KBTBD12: variants seen among roughly 807,000 people sequenced by gnomAD.
KBTBD12 encodes kelch repeat and BTB domain-containing protein 12.
In KBTBD12, 53 loss-of-function variants were observed where a neutral mutation model predicts 58.7. That is an observed-to-expected ratio of 0.90 (90% CI 0.72 to 1.14). KBTBD12 has a LOEUF of 1.14. Ranked by LOEUF, KBTBD12 falls within the 50% of genes most tolerant of loss-of-function variation. KBTBD12 has a pLI of 0.00. For synonymous variants in KBTBD12, 236 were observed against 259.8 expected (o/e 0.91, Z 0.88); for missense variants, 704 against 751.3 (o/e 0.94, Z 0.74).
At chr3:127,941,680 A>G (rs1939952811) in intron 4 of KBTBD12, among the ~76,000 whole-genome samples, 3 of 152,210 alleles carry the variant, frequency 2.0e-5, no homozygotes. Context: ...TCCATCTCCC[A>G]GACGGAATCT....
chr3:127,924,005 A>T lies in KBTBD12; in HGVS notation c.944A>T (p.Lys315Met), dbSNP rs774639807. Residue 315 changes from lysine (K) to methionine (M), a missense_variant, in exon 2 of 6, where the codon AAG (lysine) becomes ATG (methionine). Transcript: ENST00000405109. ...SRKTYFISSP[K>M]YGEGLGTVCT... The stretch of plus-strand genomic sequence containing the variant: ...AAAACCTATTTCATCTCATCTCCCA[A>T]GTACGGAGAGGGTTTAGGAACTGTG... The T allele has an allele frequency of 8.7e-6, 14 of 1,613,682 alleles. No homozygotes were observed. In the South Asian group the frequency reaches 1.5e-4, roughly 18 times the overall value.
chr3:127,984,089 T>C lies in KBTBD12; in HGVS notation c.1691-8T>C. On this transcript the variant is annotated splice_polypyrimidine_tract_variant and splice_region_variant and intron_variant, in intron 5 of 5. Transcript: ENST00000405109. ...AGATTTTTGTCTTCCCACTTTGCTGTTTTTCAGATCGCCATGAGGTTATCT... is the reference window on the plus strand; with the variant it reads ...AGATTTTTGTCTTCCCACTTTGCTGCTTTTCAGATCGCCATGAGGTTATCT... 2 of 1,610,914 alleles carry C rather than the reference T, an allele frequency of 1.2e-6. No individual in the cohort carries two copies. Among genetic ancestry groups the C allele is most frequent in the African/African-American group, 2.7e-5 (2 of 74,910 alleles).
In KBTBD12 at chr3:127,930,133, A is replaced by G; in HGVS notation, c.1342A>G (p.Met448Val). The change falls in exon 4 of 6, where the codon ATG becomes GTG. Residue 448 changes from methionine (M) to valine (V), a missense_variant and splice_region_variant. Coordinates refer to ENST00000405109, the MANE Select transcript of KBTBD12 (RefSeq NM_207335.4). ...LYVIGGWTPQ[M>V]DLPDEEPDRL... ...ATATTGGCTGTCATATTTCATACAGATGGATCTTCCTGATGAAGAACCTGA... is the reference window on the plus strand; with the variant it reads ...ATATTGGCTGTCATATTTCATACAGGTGGATCTTCCTGATGAAGAACCTGA... 1.3e-6 allele frequency: 2 copies of G among 1,578,680 alleles called. No homozygotes were observed. Among genetic ancestry groups the G allele is most frequent in the Non-Finnish European group, 8.6e-7 (1 of 1,160,498 alleles).
chr3:127,940,443 G>C (rs1161823753), intron 4 of KBTBD12, among the ~76,000 whole-genome samples: 1 of 152,086 alleles, frequency 6.6e-6, no homozygotes, highest in Non-Finnish European at 1.5e-5. Flanking sequence ...TCAAATACTT[G>C]AAAATTGAGC....
chr3:127,951,528 A>T (rs1940202535), intron 4 of KBTBD12, among the ~76,000 whole-genome samples: 1 of 152,170 alleles, frequency 6.6e-6, no homozygotes, highest in Non-Finnish European at 1.5e-5. Context: ...TTGATTCCAG[A>T]GTCATGGTCA....
chr3:127,967,424 G>A (rs1940597088), intron 5 of KBTBD12, among the ~76,000 whole-genome samples: 1 of 152,144 alleles, frequency 6.6e-6, no homozygotes, highest in South Asian at 2.1e-4. Flanking sequence ...ATACTGAACT[G>A]ACCAAAACTA....
In KBTBD12 at chr3:127,915,465, G is replaced by C. The variant is rs917283406; in HGVS notation, c.-234G>C. ...GACCTCTATTTATATCGCCCAGCCA[G>C]CACAGGCCCATATTGGGCAGTGGCC... On this transcript the variant is annotated 5_prime_UTR_variant, in exon 1 of 6. Transcript: ENST00000405109. 2.6e-5 allele frequency: 4 copies of C among 152,596 alleles called. No individual in the cohort carries two copies. The highest frequency in any genetic ancestry group is 9.6e-5 in the African/African-American group (4 of 41,482). The allele number at this position is 152,596 out of a possible 1,614,324, so 9.5% of individuals were successfully genotyped here.
intron 4 of KBTBD12, among the ~76,000 whole-genome samples, chr3:127,955,285 A>T (rs1940296557): frequency 6.6e-6 from 1 of 152,212 alleles, no homozygotes; most frequent in Non-Finnish European, 1.5e-5. Flanking sequence ...TCTCCAGGAA[A>T]CCATTTTGTG....
At position 127,945,164 on chromosome 3, in the gene KBTBD12, C is replaced by CTT. The variant is rs56216317; in HGVS notation, c.1492+14918_1492+14919dup. On this transcript the variant is annotated intron_variant, in intron 4 of 5. Coordinates refer to ENST00000405109, the MANE Select transcript of KBTBD12 (RefSeq NM_207335.4). ...TGTTTTTTTTAAAAATAGTAGCTAT[C>CTT]TTTTTTTTTTTTTTTTTTTTTTTTT... Among the ~76,000 whole-genome samples, 7 of 28,772 alleles carry CTT rather than the reference C, an allele frequency of 2.4e-4. 2 individuals carry two copies. The highest frequency in any genetic ancestry group is 4.7e-4 in the African/African-American group (4 of 8,428). The allele number at this position is 28,772 out of a possible 152,430, so 18.9% of individuals were successfully genotyped here.
chr3:127,947,660 A>C (rs1387635430), intron 4 of KBTBD12, among the ~76,000 whole-genome samples: 3 of 152,190 alleles, frequency 2.0e-5, no homozygotes, highest in Admixed American at 2.0e-4. Context: ...CCCATTAATC[A>C]GTGCTTTTGA....
At chr3:127,968,461 G>A (rs1036685395) in intron 5 of KBTBD12, among the ~76,000 whole-genome samples, 7 of 152,194 alleles carry the variant, frequency 4.6e-5, no homozygotes, top group Non-Finnish European at 1.5e-5. Context: ...GACATTGCAA[G>A]AAAACTATAG....
At chr3:127,941,184 G>T (rs1939942429) in intron 4 of KBTBD12, among the ~76,000 whole-genome samples, 1 of 152,058 alleles carries the variant, frequency 6.6e-6, no homozygotes, top group African/African-American at 2.4e-5. Flanking sequence ...TCATTTTATA[G>T]GTCAGCATTA....
At chr3:127,958,723 C>T (rs571945597) in intron 4 of KBTBD12, among the ~76,000 whole-genome samples, 3 of 152,272 alleles carry the variant, frequency 2.0e-5, no homozygotes, top group Non-Finnish European at 2.9e-5. Flanking sequence ...CTTGGTCTTC[C>T]CCTTGAAGCT....
chr3:127,953,150 T>C (rs1244908105), intron 4 of KBTBD12, among the ~76,000 whole-genome samples: 1 of 152,222 alleles, frequency 6.6e-6, no homozygotes, highest in Non-Finnish European at 1.5e-5. Flanking sequence ...TGAGAAGTGC[T>C]CAATAGATGA....
intron 4 of KBTBD12, among the ~76,000 whole-genome samples, chr3:127,939,131 A>G (rs1325936874): frequency 6.6e-6 from 1 of 152,092 alleles, no homozygotes; most frequent in African/African-American, 2.4e-5. Flanking sequence ...TTTTCTCTGT[A>G]CTCTTACATC....
At chr3:127,969,256 A>G (rs182190989) in intron 5 of KBTBD12, among the ~76,000 whole-genome samples, 3 of 152,190 alleles carry the variant, frequency 2.0e-5, no homozygotes. Context: ...CATACGCCAA[A>G]AAATTGTATT....
intron 4 of KBTBD12, among the ~76,000 whole-genome samples, chr3:127,959,592 G>A (rs994221422): frequency 6.6e-6 from 1 of 152,230 alleles, no homozygotes; most frequent in African/African-American, 2.4e-5. Flanking sequence ...GAACATGAAA[G>A]AGAATGAGAG....
intron 4 of KBTBD12, among the ~76,000 whole-genome samples, chr3:127,938,568 G>A (rs921742710): frequency 1.3e-5 from 2 of 152,094 alleles, no homozygotes; most frequent in East Asian, 3.9e-4. Context: ...GATATTAGAT[G>A]AAATGTACCA....
chr3:127,982,987 CAG>C (rs1940899077), intron 5 of KBTBD12, among the ~76,000 whole-genome samples: 1 of 152,226 alleles, frequency 6.6e-6, no homozygotes, highest in African/African-American at 2.4e-5. Context: ...AACACAAGCT[CAG>C]AGGGCAGCGC....
Sources: allele counts gnomAD v4.1 joint callset (sites outside exome capture counted in the v4.1 genomes callset), GRCh38; gene constraint gnomAD v4.1.1; transcripts MANE v1.5; gene names NCBI Gene and HGNC (gene_info 2026-07-23, HGNC 2026-07-21).